Variants in CDKN2B-AS1 observed in about 807,000 individuals in gnomAD.
The protein encoded by CDKN2B-AS1 is CDKN2B and CDKN2A antisense cis and trans regulatory RNA 1, also known as CDKN2B antisense RNA 1 (non-protein coding).
chr9:22,042,846 T>A (rs1011730764), intron 1 of CDKN2B-AS1, among the ~76,000 whole-genome samples: 1 of 152,142 alleles, frequency 6.6e-6, no homozygotes, highest in Non-Finnish European at 1.5e-5. Context: ...CACACAAGAA[T>A]GGCTATACTT....
chr9:22,077,109 C>T (rs145679617), intron 4 of CDKN2B-AS1, among the ~76,000 whole-genome samples: 1 of 152,226 alleles, frequency 6.6e-6, no homozygotes, highest in East Asian at 1.9e-4. Context: ...ACCCACCCTA[C>T]CTCTGGTAAT....
intron 1 of CDKN2B-AS1, among the ~76,000 whole-genome samples, chr9:22,041,732 A>C (rs766002920): frequency 8.6e-5 from 13 of 152,038 alleles, no homozygotes; most frequent in Non-Finnish European, 1.8e-4. Context: ...TTTACATAAA[A>C]ATCTAAAGCA....
chr9:22,082,965 G>A (rs1022090825), intron 4 of CDKN2B-AS1, among the ~76,000 whole-genome samples: 3 of 152,154 alleles, frequency 2.0e-5, no homozygotes, highest in Admixed American at 2.0e-4. Flanking sequence ...AATCAAGAAG[G>A]CCTAATCCTG....
chr9:22,030,059 C>T (rs970567469), intron 1 of CDKN2B-AS1: 10 of 152,208 alleles, frequency 6.6e-5, no homozygotes, highest in Admixed American at 6.5e-4. Context: ...AAGCACATTT[C>T]AGTTACGTTT....
intron 1 of CDKN2B-AS1, among the ~76,000 whole-genome samples, chr9:22,038,576 C>G (rs1338160261): frequency 3.3e-5 from 5 of 151,920 alleles, no homozygotes; most frequent in Non-Finnish European, 7.4e-5. Flanking sequence ...ACTTTGAGCT[C>G]TTGCACTATA....
At chr9:22,123,596 G>A (rs1563995561) in intron 4 of CDKN2B-AS1, among the ~76,000 whole-genome samples, 5 of 151,462 alleles carry the variant, frequency 3.3e-5, no homozygotes, top group Non-Finnish European at 3.0e-5. Context: ...GCTGCTATTA[G>A]GATGGCCAAT....
chr9:22,032,629 C>G (rs955447982), intron 1 of CDKN2B-AS1: 1 of 151,680 alleles, frequency 6.6e-6, no homozygotes, highest in African/African-American at 2.4e-5. Context: ...TTTTAAAGAG[C>G]TTTGTTTGTA....
intron 3 of CDKN2B-AS1, among the ~76,000 whole-genome samples, chr9:22,054,235 G>A (rs1413153228): frequency 6.6e-6 from 1 of 152,186 alleles, no homozygotes; most frequent in African/African-American, 2.4e-5. Flanking sequence ...TCTCAAGGTC[G>A]CACAGCTACC....
intron 4 of CDKN2B-AS1, among the ~76,000 whole-genome samples, chr9:22,067,017 G>C (rs1420739491): frequency 6.6e-6 from 1 of 152,084 alleles, no homozygotes; most frequent in Non-Finnish European, 1.5e-5. Context: ...TGAACAATGA[G>C]AACACTTGGA....
chr9:22,080,463 C>T lies in CDKN2B-AS1; in HGVS notation n.438+24076C>T, dbSNP rs548107879. On this transcript the variant is annotated intron_variant and non_coding_transcript_variant, in intron 4 of 4. Coordinates refer to ENST00000650946, the Ensembl canonical transcript of CDKN2B-AS1. The stretch of plus-strand genomic sequence containing the variant: ...CCTAGCTACTTCTGTTCACAATACA[C>T]TGTGGAGGGGCAGCGGGGGCAGCCC... Among the ~76,000 whole-genome samples the T allele has an allele frequency of 1.1e-4, 16 of 152,344 alleles. No individual in the cohort carries two copies. The South Asian group carries it at 3.3e-3, about 32-fold the overall frequency.
chr9:22,110,564 C>G (rs954657198), intron 4 of CDKN2B-AS1, among the ~76,000 whole-genome samples: 1 of 152,168 alleles, frequency 6.6e-6, no homozygotes, highest in African/African-American at 2.4e-5. Flanking sequence ...ATGCTACACA[C>G]TGTCACTAAA....
chr9:22,052,579 C>G (rs894224009), intron 3 of CDKN2B-AS1, among the ~76,000 whole-genome samples: 1 of 152,154 alleles, frequency 6.6e-6, no homozygotes, highest in Non-Finnish European at 1.5e-5. Flanking sequence ...CATCAATACT[C>G]CCACAGAGCA....
chr9:22,073,177 T>A (rs1824365693), intron 4 of CDKN2B-AS1, among the ~76,000 whole-genome samples: 1 of 152,210 alleles, frequency 6.6e-6, no homozygotes, highest in African/African-American at 2.4e-5. Context: ...ATTTGTCTAA[T>A]GTTTCAGGCT....
intron 4 of CDKN2B-AS1, among the ~76,000 whole-genome samples, chr9:22,100,615 G>C (rs1432147029): frequency 6.6e-6 from 1 of 152,058 alleles, no homozygotes; most frequent in African/African-American, 2.4e-5. Flanking sequence ...GAATAATGCT[G>C]TTATAAACGT....
intron 4 of CDKN2B-AS1, among the ~76,000 whole-genome samples, chr9:22,107,849 C>A (rs1301309848): frequency 2.0e-5 from 3 of 152,012 alleles, no homozygotes; most frequent in African/African-American, 7.2e-5. Flanking sequence ...TGTGGAGGGA[C>A]AATATGTGCT....
chr9:22,115,734 C>A (rs796323646), intron 4 of CDKN2B-AS1, among the ~76,000 whole-genome samples: 43 of 152,118 alleles, frequency 2.8e-4, no homozygotes, highest in African/African-American at 8.7e-4. Flanking sequence ...ATCACATGGA[C>A]TTGGGGATTA....
chr9:22,011,321 T>A (rs1397472276), intron 1 of CDKN2B-AS1, among the ~76,000 whole-genome samples: 1 of 152,254 alleles, frequency 6.6e-6, no homozygotes, highest in Non-Finnish European at 1.5e-5. Flanking sequence ...GTATAAAGAA[T>A]ATTATATAGT....
In CDKN2B-AS1 at chr9:22,090,824, A is replaced by C. The variant is rs532520524; in HGVS notation, n.438+34437A>C. On this transcript the variant is annotated intron_variant and non_coding_transcript_variant, in intron 4 of 4. Coordinates refer to ENST00000650946, the Ensembl canonical transcript of CDKN2B-AS1. ...TTCTTTTGCTGTGCAGAAGTTCTTT[A>C]GTTTAATTAGATCCCATTTGTCAAT... 5.9e-5 allele frequency among the ~76,000 whole-genome samples: 9 copies of C among 152,152 alleles called. No individual in the cohort carries two copies. In the East Asian group the frequency reaches 1.7e-3, roughly 29 times the overall value.
chr9:22,051,552 T>G (rs949460011), intron 3 of CDKN2B-AS1, among the ~76,000 whole-genome samples: 1 of 152,204 alleles, frequency 6.6e-6, no homozygotes, highest in African/African-American at 2.4e-5. Context: ...CAAAGGCAGT[T>G]ATATACAATG....
Sources: gnomAD v4.1 joint callset for allele counts (sites outside exome capture counted in the v4.1 genomes callset) on GRCh38, gnomAD v4.1.1 for gene constraint, MANE v1.5 for transcripts, NCBI Gene and HGNC (gene_info 2026-07-23, HGNC 2026-07-21) for gene names.